Variants in PID1 observed in about 807,000 individuals in gnomAD.
PID1 encodes the protein phosphotyrosine interaction domain containing 1, also known as PTB-containing, cubilin and LRP1-interacting protein.
Under a neutral mutation model 19.1 loss-of-function variants are expected in PID1, and 10 were observed. That is an observed-to-expected ratio of 0.52 (90% CI 0.32 to 0.89). The LOEUF is 0.89. Among genes scored for constraint, PID1 ranks in the 40% least tolerant of loss-of-function variants. The probability of loss-of-function intolerance (pLI) is 0.03; values close to 1 mark genes in which losing one functional copy is unlikely to be tolerated. For missense variants in PID1, 248 were observed against 285.3 expected (o/e 0.87, Z 0.94); for synonymous variants, 130 against 116.0 (o/e 1.12, Z -0.78).
intron 1 of PID1, among the ~76,000 whole-genome samples, chr2:229,190,422 G>C (rs1487131349): frequency 6.6e-6 from 1 of 152,226 alleles, no homozygotes; most frequent in Non-Finnish European, 1.5e-5. Context: ...GCATGAGCCA[G>C]ACATGGAACA....
intron 2 of PID1, among the ~76,000 whole-genome samples, chr2:229,105,027 G>C (rs567662216): frequency 1.3e-5 from 2 of 152,268 alleles, no homozygotes; most frequent in East Asian, 3.9e-4. Flanking sequence ...CAGAATTTGT[G>C]GTGCGTCAGT....
intron 1 of PID1, among the ~76,000 whole-genome samples, chr2:229,256,737 G>C (rs191291692): frequency 2.4e-4 from 36 of 152,288 alleles, no homozygotes; most frequent in Non-Finnish European, 4.1e-4. Flanking sequence ...GGTACCCTTG[G>C]ATCTGAAATA....
intron 1 of PID1, among the ~76,000 whole-genome samples, chr2:229,162,528 C>T (rs1690511600): frequency 6.6e-6 from 1 of 152,166 alleles, no homozygotes; most frequent in Non-Finnish European, 1.5e-5. Context: ...TTTTAACTTG[C>T]AAATTACTGA....
intron 2 of PID1, among the ~76,000 whole-genome samples, chr2:229,118,132 G>A (rs1436510950): frequency 1.3e-5 from 2 of 152,150 alleles, no homozygotes; most frequent in African/African-American, 4.8e-5. Flanking sequence ...ATCGATAAAT[G>A]AATGAATGCA....
chr2:229,041,936 C>T (rs547772967), intron 2 of PID1, among the ~76,000 whole-genome samples: 16 of 152,058 alleles, frequency 1.1e-4, no homozygotes, highest in Non-Finnish European at 2.2e-4. Flanking sequence ...GATCAGTTCC[C>T]GGGCACTCAT....
intron 2 of PID1, among the ~76,000 whole-genome samples, chr2:229,041,277 G>A (rs537043715): frequency 6.6e-6 from 1 of 152,284 alleles, no homozygotes; most frequent in Middle Eastern, 3.4e-3. Context: ...AGTGCCCAAA[G>A]AATGATATAA....
intron 1 of PID1, among the ~76,000 whole-genome samples, chr2:229,207,699 A>C (rs1173005397): frequency 6.6e-6 from 1 of 151,766 alleles, no homozygotes; most frequent in Non-Finnish European, 1.5e-5. Flanking sequence ...CCACCCTGTA[A>C]TTCTCACACA....
At chr2:229,229,312 A>AT (rs886413251) in intron 1 of PID1, among the ~76,000 whole-genome samples, 78 of 152,220 alleles carry the variant, frequency 5.1e-4, no homozygotes, top group African/African-American at 1.7e-3. Flanking sequence ...ATTGCAATGC[A>AT]TTTTTTTGAT....
At chr2:229,113,190 G>A (rs1170408915) in intron 2 of PID1, among the ~76,000 whole-genome samples, 2 of 151,942 alleles carry the variant, frequency 1.3e-5, no homozygotes, top group Non-Finnish European at 2.9e-5. Flanking sequence ...TATGAATGGA[G>A]CAAGTTACCG....
intron 2 of PID1, among the ~76,000 whole-genome samples, chr2:229,035,801 T>C (rs1693651359): frequency 1.3e-5 from 2 of 152,176 alleles, no homozygotes; most frequent in African/African-American, 4.8e-5. Flanking sequence ...CAAGGCCTAG[T>C]CAGGGACAGC....
At position 229,097,440 on chromosome 2, in the gene PID1, A is replaced by C. The variant is rs1449598220; in HGVS notation, c.177+58378T>G. ...GAATCGGATTGTATTTGCAGTAAGGAGGGAAACTATATTCCTTTGATTAGA... is the reference window on the plus strand; with the variant it reads ...GAATCGGATTGTATTTGCAGTAAGGCGGGAAACTATATTCCTTTGATTAGA... On this transcript the variant is annotated intron_variant, in intron 2 of 2. Coordinates refer to ENST00000392055, the MANE Select transcript of PID1 (RefSeq NM_001100818.2). 2.0e-5 allele frequency among the ~76,000 whole-genome samples: 3 copies of C among 152,318 alleles called. No individual in the cohort carries two copies. In the East Asian group the frequency reaches 5.8e-4, roughly 29 times the overall value.
At position 229,056,201 on chromosome 2, in the gene PID1, T is replaced by C. The variant is rs570988741; in HGVS notation, c.178-30093A>G. On this transcript the variant is annotated intron_variant, in intron 2 of 2. Transcript: ENST00000392055. ...CAAGAGATAAGAATATTAACAAGAG[T>C]ATAAAATCCACAGAATAAAGCCCCA... Among the ~76,000 whole-genome samples, 20 of 152,036 alleles carry C rather than the reference T, an allele frequency of 1.3e-4. No individual in the cohort carries two copies. In the East Asian group the frequency reaches 3.7e-3, roughly 28 times the overall value.
At chr2:229,030,697 A>G (rs547457721) in intron 2 of PID1, among the ~76,000 whole-genome samples, 248 of 152,296 alleles carry the variant, frequency 1.6e-3, no homozygotes, top group Non-Finnish European at 2.9e-3. Flanking sequence ...ATTCACTCCA[A>G]TGAAAACCGA....
At chr2:229,210,147 A>C (rs1274714312) in intron 1 of PID1, among the ~76,000 whole-genome samples, 1 of 151,876 alleles carries the variant, frequency 6.6e-6, no homozygotes, top group Non-Finnish European at 1.5e-5. Flanking sequence ...CTTAAAAAAA[A>C]AAAAAAAAGT....
chr2:229,170,416 A>G (rs1188315001), intron 1 of PID1, among the ~76,000 whole-genome samples: 7 of 152,182 alleles, frequency 4.6e-5, no homozygotes, highest in Admixed American at 1.3e-4. Context: ...CACAATGTAC[A>G]TTAAGTACAT....
intron 2 of PID1, among the ~76,000 whole-genome samples, chr2:229,098,605 A>G (rs1559231974): frequency 6.6e-6 from 1 of 152,148 alleles, no homozygotes; most frequent in East Asian, 1.9e-4. Context: ...AGAAATTAGG[A>G]TAACATTTCA....
At chr2:229,031,300 G>A (rs921716086) in intron 2 of PID1, among the ~76,000 whole-genome samples, 1 of 150,602 alleles carries the variant, frequency 6.6e-6, no homozygotes, top group Non-Finnish European at 1.5e-5. Context: ...GCTCAGGCCT[G>A]TAATCCCAGC....
At chr2:229,068,891 G>T (rs1466348993) in intron 2 of PID1, among the ~76,000 whole-genome samples, 1 of 152,122 alleles carries the variant, frequency 6.6e-6, no homozygotes, top group Non-Finnish European at 1.5e-5. Flanking sequence ...ACCAATCACT[G>T]ACCACTGGGT....
At chr2:229,115,198 C>A (rs1348832118) in intron 2 of PID1, among the ~76,000 whole-genome samples, 1 of 151,744 alleles carries the variant, frequency 6.6e-6, no homozygotes, top group East Asian at 1.9e-4. Context: ...GTGTGTAACA[C>A]CTAAATAATA....
Sources: allele counts gnomAD v4.1 joint callset (sites outside exome capture counted in the v4.1 genomes callset), GRCh38; gene constraint gnomAD v4.1.1; transcripts MANE v1.5; gene names NCBI Gene and HGNC (gene_info 2026-07-23, HGNC 2026-07-21).